Variants in TADA2A observed in about 807,000 individuals in gnomAD.
The protein encoded by TADA2A is transcriptional adaptor 2A.
A neutral mutation model predicts 67.4 loss-of-function variants in TADA2A; 38 were observed. That is an observed-to-expected ratio of 0.56 (90% confidence interval 0.44 to 0.74). The LOEUF (loss-of-function observed/expected upper bound fraction) is 0.74. Ranked by LOEUF, TADA2A falls within the 30% of genes least tolerant of loss-of-function variation. TADA2A has a pLI of 0.00. For missense variants in TADA2A, 454 were observed against 547.0 expected, an observed-to-expected ratio of 0.83 and a Z score of 1.70; for synonymous variants, 192 against 181.6, an observed-to-expected ratio of 1.06 and a Z score of -0.46.
At chr17:37,446,790 C>T (rs886283302) in intron 8 of TADA2A, among the ~76,000 whole-genome samples, 6 of 152,240 alleles carry the variant, frequency 3.9e-5, no homozygotes, top group African/African-American at 1.2e-4. Flanking sequence ...ATTCATACTT[C>T]TCAACATTAT....
rs759191063 is a variant in TADA2A, at chr17:37,479,145, TAGAG to T, written c.*2165_*2168del. On this transcript the variant is annotated 3_prime_UTR_variant, in exon 16 of 16. Transcript: ENST00000615182. ...GTGGGCTTTTGGGGCAATTATATGA[TAGAG>T]AAGAGAGAGAAAAATGGCAGATGGA... 1.3e-5 allele frequency: 2 copies of T among 152,132 alleles called. No homozygotes were observed. Among genetic ancestry groups the T allele is most frequent in the Non-Finnish European group, 2.9e-5 (2 of 68,056 alleles). 9.4% of individuals were successfully genotyped at this position (152,132 alleles called of 1,614,324 possible).
intron 7 of TADA2A, among the ~76,000 whole-genome samples, chr17:37,443,893 CAT>C (rs1239930166): frequency 6.6e-6 from 1 of 152,138 alleles, no homozygotes; most frequent in East Asian, 1.9e-4. Flanking sequence ...AATTAAAAGA[CAT>C]GTGAATGTAG....
At chr17:37,474,516 C>T in intron 14 of TADA2A, 40 bp from the exon 15 acceptor site, 1 of 1,594,056 alleles carries the variant, frequency 6.3e-7, no homozygotes, top group Non-Finnish European at 8.6e-7. Context: ...GAAATTGTCA[C>T]TCCTATTAAA....
At chr17:37,442,470 C>T in intron 6 of TADA2A, 94 bp from the exon 7 acceptor site, 1 of 956,360 alleles carries the variant, frequency 1.0e-6, no homozygotes, top group Non-Finnish European at 1.5e-6. Context: ...TTTATAAAAA[C>T]CATTTTAAAT....
intron 8 of TADA2A, among the ~76,000 whole-genome samples, chr17:37,448,638 C>G (rs897942313): frequency 6.6e-6 from 1 of 152,140 alleles, no homozygotes; most frequent in African/African-American, 2.4e-5. Flanking sequence ...TTAGAGTACT[C>G]TTTCCCTGAG....
chr17:37,434,709 G>A (rs577527130), intron 4 of TADA2A, among the ~76,000 whole-genome samples: 1 of 152,096 alleles, frequency 6.6e-6, no homozygotes, highest in African/African-American at 2.4e-5. Context: ...TCTTATTATT[G>A]TGTGGTCCCT....
chr17:37,458,681 C>A, intron 9 of TADA2A, 94 bp downstream of exon 9: 2 of 1,043,726 alleles, frequency 1.9e-6, no homozygotes, highest in Non-Finnish European at 2.7e-6. Context: ...GTGTCTGTGT[C>A]TGTGTCTGTG....
chr17:37,469,569 G>GT (rs1341890865), intron 12 of TADA2A, among the ~76,000 whole-genome samples: 1 of 152,048 alleles, frequency 6.6e-6, no homozygotes, highest in Non-Finnish European at 1.5e-5. Flanking sequence ...GGAGGTGGAG[G>GT]TTGCTGTGAG....
In TADA2A at chr17:37,437,803, T is replaced by A; in HGVS notation, c.258T>A (p.Ala86=). ...AAGAAGAAATGGCCCTTTTAGAAGC[T>A]GTGATGGACTGTGGCTTTGGAAATT... ...TAQEEMALLE[A]VMDCGFGNWQ... is the part of the protein sequence containing the mutation. Residue 86 remains alanine, a synonymous_variant, in exon 5 of 16, where the codon GCT becomes GCA. Transcript: ENST00000615182. The A allele has an allele frequency of 1.2e-6, 2 of 1,614,216 alleles. No homozygotes were observed. Among genetic ancestry groups the A allele is most frequent in the Non-Finnish European group, 1.7e-6 (2 of 1,180,032 alleles).
chr17:37,462,250 A>C, intron 10 of TADA2A, 129 bp downstream of exon 10: 1 of 607,814 alleles, frequency 1.6e-6, no homozygotes, highest in Non-Finnish European at 2.8e-6. Flanking sequence ...AGACTAATGA[A>C]GTAAGAATCT....
intron 9 of TADA2A, among the ~76,000 whole-genome samples, chr17:37,459,563 G>A (rs1445988469): frequency 1.3e-5 from 2 of 149,102 alleles, no homozygotes; most frequent in African/African-American, 2.5e-5. Flanking sequence ...GATTACAGGC[G>A]TGAGCCACCG....
At chr17:37,443,874 C>T (rs997878448) in intron 7 of TADA2A, among the ~76,000 whole-genome samples, 2 of 152,140 alleles carry the variant, frequency 1.3e-5, no homozygotes, top group African/African-American at 4.8e-5. Context: ...GTTCCTTGCT[C>T]AGCTATGGAA....
chr17:37,447,109 T>C (rs1811786374), intron 8 of TADA2A, among the ~76,000 whole-genome samples: 1 of 152,218 alleles, frequency 6.6e-6, no homozygotes, highest in Non-Finnish European at 1.5e-5. Flanking sequence ...ACATAAATAA[T>C]AATTCTTTCC....
Position 37,476,956 on chromosome 17 carries a change from A to G in TADA2A, c.1306A>G (p.Arg436Gly). The G allele has an allele frequency of 6.2e-7, 1 of 1,613,626 alleles. No homozygotes were observed. The highest frequency in any genetic ancestry group is 8.5e-7 in the Non-Finnish European group (1 of 1,179,640). The change falls in exon 16 of 16, where the codon AGA (arginine) becomes GGA (glycine). Residue 436 changes from arginine (R) to glycine (G), a missense_variant. Around this residue, in one of 2 missense-constraint regions of TADA2A, gnomAD observed 51 missense variants for 91.5 expected, o/e 0.56. Coordinates refer to ENST00000615182, the MANE Select transcript of TADA2A (RefSeq NM_001166105.3). ...KTRKIYDFLI[R>G]EGYITKG is the part of the protein sequence containing the mutation. ...CCGGAAAATCTATGATTTCCTCATC[A>G]GAGAAGGATACATCACTAAAGGCTA...
intron 5 of TADA2A, 85 bp downstream of exon 5, chr17:37,437,914 G>T: frequency 7.8e-7 from 1 of 1,280,634 alleles, no homozygotes; most frequent in Non-Finnish European, 1.1e-6. Flanking sequence ...GGAACCTCAG[G>T]AAGAGAAAGT....
At chr17:37,464,059 A>G (rs2053607328) in intron 10 of TADA2A, among the ~76,000 whole-genome samples, 1 of 152,184 alleles carries the variant, frequency 6.6e-6, no homozygotes, top group Non-Finnish European at 1.5e-5. Context: ...ACTGATTGAA[A>G]CGACCCAAGT....
At chr17:37,476,117 T>A (rs188355854) in intron 15 of TADA2A, among the ~76,000 whole-genome samples, 1 of 152,304 alleles carries the variant, frequency 6.6e-6, no homozygotes, top group Admixed American at 6.5e-5. Flanking sequence ...GTATGTAGTA[T>A]CTATGTATTG....
intron 4 of TADA2A, 101 bp downstream of exon 4, chr17:37,427,110 A>C: frequency 1.0e-6 from 1 of 959,100 alleles, no homozygotes; most frequent in Non-Finnish European, 1.5e-6. Flanking sequence ...CTTGGACTTC[A>C]GGGAATTAGT....
intron 2 of TADA2A, among the ~76,000 whole-genome samples, chr17:37,422,511 T>A (rs1173917828): frequency 6.8e-6 from 1 of 146,688 alleles, no homozygotes; most frequent in Non-Finnish European, 1.5e-5. Flanking sequence ...TTATTATTAT[T>A]ATTATTATTA....
Sources: gnomAD v4.1 joint callset for allele counts (sites outside exome capture counted in the v4.1 genomes callset) on GRCh38, gnomAD v4.1.1 for gene constraint, gnomAD v4.1.1 regional missense constraint, MANE v1.5 for transcripts, NCBI Gene and HGNC (gene_info 2026-07-23, HGNC 2026-07-21) for gene names.